Variants in MAP3K7CL observed in about 807,000 individuals in gnomAD.
MAP3K7CL encodes MAP3K7 C-terminal like, also known as MAP3K7 C-terminal-like protein.
MAP3K7CL carries 16 observed loss-of-function variants against 18.6 expected under a neutral mutation model. That is an observed-to-expected ratio of 0.86 (90% CI 0.58 to 1.31). The LOEUF is 1.31. MAP3K7CL is among the 50% of genes most tolerant of loss of function. The pLI, the probability that MAP3K7CL is intolerant of heterozygous loss-of-function variation, is 0.00. For synonymous variants in MAP3K7CL, 65 were observed against 66.8 expected, an observed-to-expected ratio of 0.97 and a Z score of 0.13; for missense variants, 163 against 174.4, an observed-to-expected ratio of 0.93 and a Z score of 0.37.
intron 3 of MAP3K7CL, among the ~76,000 whole-genome samples, chr21:29,151,581 G>T (rs1390244984): frequency 6.6e-6 from 1 of 152,170 alleles, no homozygotes; most frequent in African/African-American, 2.4e-5. Flanking sequence ...CTATGGTCAT[G>T]TCAAAGCTAT....
At chr21:29,102,477 CTTTTTTTTTTTTTT>C in intron 4 of MAP3K7CL, 1 of 92,272 alleles carries the variant, frequency 1.1e-5, no homozygotes, top group East Asian at 2.7e-4. Context: ...CTCTCTCTCT[CTTTTTTTTTTTTTT>C]TTTTTTTTAA....
At chr21:29,087,589 C>CTTTTTTTTTTTT (rs56775764) in intron 1 of MAP3K7CL, among the ~76,000 whole-genome samples, 107 of 104,210 alleles carry the variant, frequency 1.0e-3, no homozygotes, top group South Asian at 1.5e-3. Flanking sequence ...TTTTCTTTTT[C>CTTTTTTTTTTTT]TTTTTTTTTT....
intron 3 of MAP3K7CL, among the ~76,000 whole-genome samples, chr21:29,155,717 C>A (rs968127659): frequency 6.6e-6 from 1 of 152,280 alleles, no homozygotes; most frequent in East Asian, 1.9e-4. Flanking sequence ...AAATATTAAG[C>A]CCTTGCGAGC....
chr21:29,133,274 A>G (rs779826137), intron 1 of MAP3K7CL, 32 bp from the exon 2 acceptor site: 2 of 1,509,718 alleles, frequency 1.3e-6, no homozygotes, highest in South Asian at 1.2e-5. Context: ...GATGCTGGAT[A>G]AAGTGACAAT....
intron 4 of MAP3K7CL, among the ~76,000 whole-genome samples, chr21:29,171,147 C>T (rs1214184028): frequency 6.6e-6 from 1 of 152,104 alleles, no homozygotes. Flanking sequence ...TTAAATGGAG[C>T]ACTTTCAGTT....
upstream of MAP3K7CL, among the ~76,000 whole-genome samples, chr21:29,077,209 T>C (rs1348895526): frequency 1.3e-5 from 2 of 152,222 alleles, no homozygotes; most frequent in African/African-American, 4.8e-5. Flanking sequence ...TCCTCAGCCC[T>C]TGGGTGGTTG....
intron 1 of MAP3K7CL, among the ~76,000 whole-genome samples, chr21:29,090,363 A>G (rs539534058): frequency 6.6e-6 from 1 of 152,060 alleles, no homozygotes; most frequent in Admixed American, 6.6e-5. Flanking sequence ...TGCAATCTCT[A>G]TTAGCTTCTT....
intron 2 of MAP3K7CL, among the ~76,000 whole-genome samples, chr21:29,147,322 A>G (rs2087152082): frequency 6.6e-6 from 1 of 151,974 alleles, no homozygotes; most frequent in South Asian, 2.1e-4. Context: ...CTGTATACAT[A>G]TATGCACTGT....
chr21:29,148,064 T>C (rs778816191), intron 2 of MAP3K7CL, among the ~76,000 whole-genome samples: 4 of 152,068 alleles, frequency 2.6e-5, no homozygotes, highest in Non-Finnish European at 5.9e-5. Context: ...ATGTGTACTG[T>C]ATATGTATCT....
At chr21:29,108,996 A>T in intron 4 of MAP3K7CL, 3 of 1,468,828 alleles carry the variant, frequency 2.0e-6, no homozygotes, top group Non-Finnish European at 2.7e-6. Context: ...TGTCGGCTGG[A>T]CCCAAATAAT....
At chr21:29,111,735 CTG>C (rs1160063055) in intron 4 of MAP3K7CL, among the ~76,000 whole-genome samples, 2 of 152,200 alleles carry the variant, frequency 1.3e-5, no homozygotes, top group Non-Finnish European at 2.9e-5. Flanking sequence ...AAGAGTCTGA[CTG>C]TGTCTTAAAC....
At chr21:29,174,427 C>A (rs1568977637) in intron 4 of MAP3K7CL, among the ~76,000 whole-genome samples, 1 of 152,154 alleles carries the variant, frequency 6.6e-6, no homozygotes, top group South Asian at 2.1e-4. Flanking sequence ...ATTATTTTTA[C>A]AATTTTCTGT....
chr21:29,152,698 T>C, intron 3 of MAP3K7CL, among the ~76,000 whole-genome samples: 1 of 152,218 alleles, frequency 6.6e-6, no homozygotes, highest in East Asian at 1.9e-4. Context: ...GGTGTTTCCC[T>C]ACATATGATC....
At chr21:29,118,027 C>T (rs1005683002) in intron 4 of MAP3K7CL, among the ~76,000 whole-genome samples, 2 of 150,812 alleles carry the variant, frequency 1.3e-5, no homozygotes, top group African/African-American at 4.9e-5. Flanking sequence ...GGACTGGCTC[C>T]ACCTACTACA....
At chr21:29,135,504 A>C (rs1220031584) in intron 2 of MAP3K7CL, among the ~76,000 whole-genome samples, 1 of 152,228 alleles carries the variant, frequency 6.6e-6, no homozygotes, top group African/African-American at 2.4e-5. Context: ...ATTTTGGACC[A>C]AATAAATGTA....
At position 29,133,363 on chromosome 21, in the gene MAP3K7CL, G is replaced by T. The variant is rs1339358076; in HGVS notation, c.19G>T (p.Val7Leu). Residue 7 changes from valine to leucine, a missense_variant, in exon 2 of 5, where the codon GTA becomes TTA. Transcript: ENST00000399928. MISTAR[V>L]PADKPVRIAF... ...TGCCCACATGATCAGCACAGCCAGG[G>T]TACCTGCTGACAAGCCTGTACGCAT... The T allele has an allele frequency of 3.2e-6, 5 of 1,550,464 alleles. No individual in the cohort carries two copies. The highest frequency in any genetic ancestry group is 3.5e-6 in the Non-Finnish European group (4 of 1,146,888).
chr21:29,144,402 T>C (rs1167053432), intron 2 of MAP3K7CL, among the ~76,000 whole-genome samples: 2 of 152,232 alleles, frequency 1.3e-5, no homozygotes, highest in Non-Finnish European at 2.9e-5. Context: ...TGACCTCAAG[T>C]GATCCTCCTG....
At chr21:29,171,124 G>A (rs923901096) in intron 4 of MAP3K7CL, among the ~76,000 whole-genome samples, 12 of 152,080 alleles carry the variant, frequency 7.9e-5, no homozygotes, top group Non-Finnish European at 1.8e-4. Context: ...TATTAGCTGT[G>A]TGACTTTTTC....
At chr21:29,147,707 G>A (rs922359017) in intron 2 of MAP3K7CL, among the ~76,000 whole-genome samples, 1 of 151,442 alleles carries the variant, frequency 6.6e-6, no homozygotes, top group Non-Finnish European at 1.5e-5. Flanking sequence ...TGTACTGTAT[G>A]TGTATTTGTA....
Sources: allele counts gnomAD v4.1 joint callset (sites outside exome capture counted in the v4.1 genomes callset), GRCh38; gene constraint gnomAD v4.1.1; transcripts MANE v1.5; gene names NCBI Gene and HGNC (gene_info 2026-07-23, HGNC 2026-07-21).